NXPE2: variants seen among roughly 807,000 people sequenced by gnomAD.
NXPE2 encodes the protein NXPE family member 2.
NXPE2 carries 34 observed loss-of-function variants against 34.4 expected under a neutral mutation model. The ratio of observed to expected loss-of-function variants is 0.99; its 90% CI spans 0.75 to 1.31. The LOEUF (loss-of-function observed/expected upper bound fraction) is 1.31. Among genes scored for constraint, NXPE2 ranks in the 40% most tolerant of loss-of-function variants. The pLI is 0.00. For synonymous variants in NXPE2, 235 were observed against 231.3 expected, an observed-to-expected ratio of 1.02 and a Z score of -0.15; for missense variants, 649 against 672.5, an observed-to-expected ratio of 0.97 and a Z score of 0.39.
chr11:114,671,400 A>G, the NXPE2 span, among the ~76,000 whole-genome samples: 8 of 151,916 alleles, frequency 5.3e-5, no homozygotes, highest in Non-Finnish European at 1.2e-4. Flanking sequence ...AAAATTCCTC[A>G]AATTTAATGA....
chr11:114,551,035 T>G, the NXPE2 span: 1 of 813,586 alleles, frequency 1.2e-6, no homozygotes, highest in African/African-American at 1.7e-5. Context: ...GGAGTGGGAC[T>G]GACTTGAGGC....
chr11:114,535,843 A>G, the NXPE2 span, among the ~76,000 whole-genome samples: 1 of 152,218 alleles, frequency 6.6e-6, no homozygotes, highest in Admixed American at 6.5e-5. Flanking sequence ...GGAGACGTTA[A>G]CACCCCACTG....
At chr11:114,695,404 C>T (rs1951231154) in intron 2 of NXPE2, among the ~76,000 whole-genome samples, 1 of 152,002 alleles carries the variant, frequency 6.6e-6, no homozygotes, top group African/African-American at 2.4e-5. Context: ...TTTCCTATAC[C>T]CACGTCTATC....
At chr11:114,475,233 T>TTTTTTC in the NXPE2 span, among the ~76,000 whole-genome samples, 1 of 19,494 alleles carries the variant, frequency 5.1e-5, no homozygotes, top group Non-Finnish European at 8.3e-5. Flanking sequence ...ACTGTTTTTT[T>TTTTTTC]TTTTTTTTTT....
the NXPE2 span, among the ~76,000 whole-genome samples, chr11:114,615,538 C>T: frequency 0.013 from 1,970 of 151,510 alleles, 34 homozygotes; most frequent in South Asian, 0.026. Flanking sequence ...CACTGTTACC[C>T]GGTGGATAAT....
At chr11:114,469,177 C>T in the NXPE2 span, among the ~76,000 whole-genome samples, 9 of 123,198 alleles carry the variant, frequency 7.3e-5, no homozygotes, top group African/African-American at 2.2e-4. Context: ...TGCTGTGGTG[C>T]GATGACTCAC....
At chr11:114,630,671 A>G in the NXPE2 span, among the ~76,000 whole-genome samples, 8 of 150,862 alleles carry the variant, frequency 5.3e-5, no homozygotes, top group South Asian at 2.1e-4. Context: ...AAATTGACAA[A>G]TGGGATCTAA....
At chr11:114,627,957 C>T in the NXPE2 span, among the ~76,000 whole-genome samples, 1 of 152,042 alleles carries the variant, frequency 6.6e-6, no homozygotes, top group Non-Finnish European at 1.5e-5. Context: ...ATCAACTCAA[C>T]AAGAAGAGCT....
At chr11:114,482,545 TC>T in the NXPE2 span, among the ~76,000 whole-genome samples, 1 of 152,188 alleles carries the variant, frequency 6.6e-6, no homozygotes, top group African/African-American at 2.4e-5. Flanking sequence ...CATTTACATA[TC>T]CTCTTTCTCC....
At chr11:114,535,405 A>T in the NXPE2 span, among the ~76,000 whole-genome samples, 3 of 152,180 alleles carry the variant, frequency 2.0e-5, no homozygotes, top group South Asian at 4.1e-4. Context: ...AACATCATAA[A>T]GACAGGATCA....
chr11:114,525,573 C>A, the NXPE2 span, among the ~76,000 whole-genome samples: 4 of 152,094 alleles, frequency 2.6e-5, no homozygotes, highest in African/African-American at 9.7e-5. Flanking sequence ...CCCCTTCCCC[C>A]CTTACTATTC....
chr11:114,804,959 T>C, the NXPE2 span, among the ~76,000 whole-genome samples: 1 of 151,670 alleles, frequency 6.6e-6, no homozygotes, highest in South Asian at 2.1e-4. Context: ...ATTTCCCTTA[T>C]GAAACTCCCA....
At chr11:114,625,189 G>A in the NXPE2 span, among the ~76,000 whole-genome samples, 5 of 152,178 alleles carry the variant, frequency 3.3e-5, no homozygotes, top group South Asian at 2.1e-4. Flanking sequence ...TGGATAATAC[G>A]TGTGGCCTTG....
At chr11:114,523,123 T>C in the NXPE2 span, 8 of 1,518,638 alleles carry the variant, frequency 5.3e-6, no homozygotes, top group Admixed American at 8.4e-5. Context: ...AATGATTTTA[T>C]TGGCAAAACT....
At chr11:114,522,507 A>C in the NXPE2 span, 1 of 1,571,218 alleles carries the variant, frequency 6.4e-7, no homozygotes, top group South Asian at 1.2e-5. Context: ...TTCAGTGCTG[A>C]TAAAAAAACA....
the NXPE2 span, chr11:114,521,988 A>T: frequency 2.3e-5 from 37 of 1,612,208 alleles, no homozygotes; most frequent in South Asian, 2.0e-4. Flanking sequence ...TAGTTTAAGA[A>T]CATGTTAATC....
chr11:114,731,848 T>C, the NXPE2 span, among the ~76,000 whole-genome samples: 150 of 152,336 alleles, frequency 9.8e-4, no homozygotes, highest in Admixed American at 8.2e-3. Flanking sequence ...TGTAAAAGTG[T>C]AGTATACTTT....
chr11:114,704,165 A>G, intron 4 of NXPE2, 113 bp downstream of exon 4: 1 of 745,046 alleles, frequency 1.3e-6, no homozygotes, highest in South Asian at 2.0e-5. Flanking sequence ...TTCCTGGGAC[A>G]AATTACATCA....
At chr11:114,756,866 T>C in the NXPE2 span, among the ~76,000 whole-genome samples, 1 of 152,178 alleles carries the variant, frequency 6.6e-6, no homozygotes, top group Non-Finnish European at 1.5e-5. Context: ...GATGTAATGG[T>C]TGATGACATG....
Sources: gnomAD v4.1 joint callset for allele counts (sites outside exome capture counted in the v4.1 genomes callset) on GRCh38, gnomAD v4.1.1 for gene constraint, MANE v1.5 for transcripts, NCBI Gene and HGNC (gene_info 2026-07-23, HGNC 2026-07-21) for gene names.